The following CAB39L variants were observed in gnomAD, a reference collection of about 807,000 sequenced individuals.
CAB39L encodes calcium binding protein 39 like.
CAB39L carries 23 observed loss-of-function variants against 39.1 expected under a neutral mutation model. That is an observed-to-expected ratio of 0.59 (90% CI 0.42 to 0.83). The LOEUF is 0.83. Among genes scored for constraint, CAB39L ranks in the 40% least tolerant of loss-of-function variants. The probability of loss-of-function intolerance (pLI) is 0.00; values close to 1 mark genes in which losing one functional copy is unlikely to be tolerated. For synonymous variants in CAB39L, 126 were observed against 137.2 expected, an observed-to-expected ratio of 0.92 and a Z score of 0.57; for missense variants, 366 against 391.9, an observed-to-expected ratio of 0.93 and a Z score of 0.56.
chr13:49,376,891 G>GTAGGTAGATAGATAGATAGA (rs1555260016), intron 5 of CAB39L, 76 bp downstream of exon 5: 1 of 771,618 alleles, frequency 1.3e-6, no homozygotes, highest in African/African-American at 1.9e-5. Flanking sequence ...AAGTTGAATA[G>GTAGGTAGATAGATAGATAGA]TAGATAGATA....
intron 3 of CAB39L, among the ~76,000 whole-genome samples, chr13:49,401,764 A>T (rs1409927810): frequency 1.3e-5 from 2 of 152,212 alleles, no homozygotes; most frequent in Non-Finnish European, 2.9e-5. Flanking sequence ...CACCTTGTTT[A>T]AAAATGTAAA....
chr13:49,371,084 T>C (rs771454808), intron 5 of CAB39L, among the ~76,000 whole-genome samples: 11 of 152,186 alleles, frequency 7.2e-5, no homozygotes, highest in Non-Finnish European at 1.6e-4. Context: ...AAATGTATAA[T>C]GTACAGTTAA....
At chr13:49,363,822 C>CAA (rs112015067) in intron 5 of CAB39L, among the ~76,000 whole-genome samples, 1 of 59,486 alleles carries the variant, frequency 1.7e-5, no homozygotes, top group African/African-American at 6.6e-5. Flanking sequence ...GACCCTGTCT[C>CAA]AAAAAAAAAA....
chr13:49,311,086 C>T (rs1953974015), intron 10 of CAB39L, 93 bp from the exon 11 acceptor site: 10 of 1,045,324 alleles, frequency 9.6e-6, no homozygotes, highest in African/African-American at 4.8e-5. Flanking sequence ...CCACACTACT[C>T]GCGTTTCATG....
chr13:49,346,971 A>G lies in CAB39L; in HGVS notation c.565-2733T>C, dbSNP rs1955196708. 2.0e-5 allele frequency among the ~76,000 whole-genome samples: 3 copies of G among 152,200 alleles called. No individual in the cohort carries two copies. The South Asian group carries it at 6.2e-4, about 32-fold the overall frequency. On this transcript the variant is annotated intron_variant, in intron 7 of 10. Coordinates refer to ENST00000409308, the MANE Select transcript of CAB39L (RefSeq NM_001079670.3). ...TAACAATGTTACAATATTAATAACTAAACTGAGCAACAGTCCCTTTAAGAG... is the reference window on the plus strand; with the variant it reads ...TAACAATGTTACAATATTAATAACTGAACTGAGCAACAGTCCCTTTAAGAG...
chr13:49,378,579 A>G (rs1956162376), intron 4 of CAB39L, among the ~76,000 whole-genome samples: 1 of 61,624 alleles, frequency 1.6e-5, no homozygotes, highest in Non-Finnish European at 3.2e-5. Flanking sequence ...CCCGTCCGGG[A>G]GGGAGGTGGG....
intron 1 of CAB39L, among the ~76,000 whole-genome samples, chr13:49,438,682 T>C (rs552799790): frequency 6.6e-6 from 1 of 152,356 alleles, no homozygotes; most frequent in South Asian, 2.1e-4. Flanking sequence ...TGACCTGCTC[T>C]TTTTATTTCC....
In CAB39L at chr13:49,402,330, G is replaced by A. The variant is rs74072601; in HGVS notation, c.-31-19389C>T. ...GATGAGGAATTAGGTAGAAAGCTGA[G>A]TGGGCTCGTGGTTGGCAGGTTTAGA... On this transcript the variant is annotated intron_variant, in intron 3 of 10. Transcript: ENST00000409308. Among the ~76,000 whole-genome samples, 536 of 152,300 alleles carry A rather than the reference G, an allele frequency of 3.5e-3. 5 individuals are homozygous for A. The highest frequency in any genetic ancestry group is 0.012 in the African/African-American group (511 of 41,570).
At chr13:49,415,702 C>G (rs1957074307) in intron 3 of CAB39L, among the ~76,000 whole-genome samples, 1 of 152,048 alleles carries the variant, frequency 6.6e-6, no homozygotes, top group South Asian at 2.1e-4. Context: ...TCATACAGAA[C>G]AACTTTAGTG....
At chr13:49,339,506 T>C (rs1330878926) in intron 9 of CAB39L, among the ~76,000 whole-genome samples, 171 bp downstream of exon 9, 2 of 152,192 alleles carry the variant, frequency 1.3e-5, no homozygotes, top group Non-Finnish European at 2.9e-5. Flanking sequence ...GACACTTACA[T>C]TATTTTGCTA....
intron 6 of CAB39L, among the ~76,000 whole-genome samples, chr13:49,353,493 T>A (rs1955410707): frequency 6.6e-6 from 1 of 152,140 alleles, no homozygotes; most frequent in African/African-American, 2.4e-5. Flanking sequence ...TCCCATCACA[T>A]TCGTTATTTC....
chr13:49,358,406 G>A (rs550544264), intron 6 of CAB39L, among the ~76,000 whole-genome samples: 24 of 152,232 alleles, frequency 1.6e-4, no homozygotes, highest in African/African-American at 5.5e-4. Context: ...CTATCATCTA[G>A]TTTATCTTGT....
chr13:49,347,441 G>A (rs181290405), intron 7 of CAB39L, among the ~76,000 whole-genome samples: 1 of 152,004 alleles, frequency 6.6e-6, no homozygotes, highest in East Asian at 1.9e-4. Flanking sequence ...CTCTATTGGC[G>A]TTTGTTCTAT....
chr13:49,408,018 A>C (rs2138676144), intron 3 of CAB39L, among the ~76,000 whole-genome samples: 1 of 152,308 alleles, frequency 6.6e-6, no homozygotes, highest in East Asian at 1.9e-4. Context: ...TTGCGGACAA[A>C]ACAGGCCATG....
Position 49,308,773 on chromosome 13 carries a change from C to G in CAB39L, c.*2041G>C, listed in dbSNP as rs1240690698. The G allele has an allele frequency of 6.6e-6, 1 of 152,558 alleles. No homozygotes were observed. The highest frequency in any genetic ancestry group is 1.5e-5 in the Non-Finnish European group (1 of 68,018). The allele number at this position is 152,558 out of a possible 1,614,324, so 9.5% of individuals were successfully genotyped here. ...GTGAACTTTGTGCAAACAAATCCCC[C>G]TTTGTGCAAAGGGGGAGCTTCCTGC... On this transcript the variant is annotated 3_prime_UTR_variant, in exon 11 of 11. Coordinates refer to ENST00000409308, the MANE Select transcript of CAB39L (RefSeq NM_001079670.3).
rs567566030 is a variant in CAB39L, at chr13:49,308,971, C to A, written c.*1843G>T. On this transcript the variant is annotated 3_prime_UTR_variant, in exon 11 of 11. Coordinates refer to ENST00000409308, the MANE Select transcript of CAB39L (RefSeq NM_001079670.3). ...AGAAAAGAATAATAACAAGGCCTCA[C>A]TCTCCAAAGGAAAACAGACGTCCCA... 1.3e-5 allele frequency: 2 copies of A among 152,218 alleles called. No homozygotes were observed. The highest frequency in any genetic ancestry group is 4.8e-5 in the African/African-American group (2 of 41,454). The allele number at this position is 152,218 out of a possible 1,614,324, so 9.4% of individuals were successfully genotyped here.
chr13:49,348,465 G>C (rs943783018), intron 7 of CAB39L, among the ~76,000 whole-genome samples: 52 of 152,150 alleles, frequency 3.4e-4, no homozygotes, highest in African/African-American at 1.1e-3. Flanking sequence ...CTACCTGGGA[G>C]GCTGAGGTGG....
chr13:49,323,181 T>C (rs1954401524), intron 10 of CAB39L, among the ~76,000 whole-genome samples: 1 of 152,210 alleles, frequency 6.6e-6, no homozygotes, highest in Non-Finnish European at 1.5e-5. Flanking sequence ...ATTTACCTGA[T>C]GACATGGCCA....
rs1412144855 is a variant in CAB39L at position 49,382,846 on chromosome 13, T to C, written c.65A>G (p.Lys22Arg). 3 of 1,611,972 alleles carry C rather than the reference T, an allele frequency of 1.9e-6. No individual in the cohort carries two copies. The highest frequency in any genetic ancestry group is 1.3e-5 in the African/African-American group (1 of 74,870). The change falls in exon 4 of 11, where the codon AAA becomes AGA. Residue 22 changes from lysine to arginine, a missense_variant. Coordinates refer to ENST00000409308, the MANE Select transcript of CAB39L (RefSeq NM_001079670.3). ...CTTTTCCAAAATGGCCAAATTGTCT[T>C]TCAGGATTTTCACAATTTCTGCTGG... The part of the protein sequence containing the change: ...KNPAEIVKIL[K>R]DNLAILEKQD...
Sources: allele counts gnomAD v4.1 joint callset (sites outside exome capture counted in the v4.1 genomes callset), GRCh38; gene constraint gnomAD v4.1.1; transcripts MANE v1.5; gene names NCBI Gene and HGNC (gene_info 2026-07-23, HGNC 2026-07-21).